The following TBC1D9 variants were observed in gnomAD, a reference collection of about 807,000 sequenced individuals.
TBC1D9 encodes TBC1 domain family member 9.
TBC1D9 carries 63 observed loss-of-function variants against 132.0 expected under a neutral mutation model. The observed-to-expected ratio is 0.48, with a 90% CI of 0.39 to 0.59. TBC1D9 has a LOEUF of 0.59. Among genes scored for constraint, TBC1D9 ranks in the 20% least tolerant of loss-of-function variants. TBC1D9 has a pLI of 0.00. For missense variants in TBC1D9, 1,261 were observed against 1,592.7 expected (o/e 0.79, Z 3.54); for synonymous variants, 610 against 609.9 (o/e 1.00, Z 0.00).
At position 140,627,441 on chromosome 4, in the gene TBC1D9, C is replaced by A; in HGVS notation, c.2899G>T (p.Val967Phe). The A allele has an allele frequency of 6.3e-7, 1 of 1,590,832 alleles. No individual in the cohort carries two copies. Among genetic ancestry groups the A allele is most frequent in the South Asian group, 1.1e-5 (1 of 89,140 alleles). ...ATCTTTGGTGAGAAAAGTCACTTAC[C>A]ATGTGTACATTCTGGGGTAATATCT... ...FEDITPECTH[V>F]VGLDSRSKQG... is the part of the protein sequence containing the mutation. The change falls in exon 18 of 21, where the codon GTT (valine) becomes TTT (phenylalanine). Residue 967 changes from valine (V) to phenylalanine (F), a missense_variant and splice_region_variant. Physicochemically the swap from Val to Phe is conservative, Grantham distance 50 (BLOSUM62 -1). Transcript: ENST00000442267.
Position 140,640,816 on chromosome 4 carries a change from A to G in TBC1D9, c.2338-1388T>C, listed in dbSNP as rs1736975780. Among the ~76,000 whole-genome samples the G allele has an allele frequency of 1.3e-5, 2 of 150,672 alleles. 1 individual carries two copies. Among genetic ancestry groups the G allele is most frequent in the South Asian group, 4.2e-4 (2 of 4,814 alleles). On this transcript the variant is annotated intron_variant, in intron 13 of 20. Transcript: ENST00000442267. Reference sequence around the variant, plus strand: ...CAACCGTTCTGAAAATCTGTCTGGCAGTATCTACTGACTGAACATTCTCAT... The same window carrying G: ...CAACCGTTCTGAAAATCTGTCTGGCGGTATCTACTGACTGAACATTCTCAT...
intron 2 of TBC1D9, among the ~76,000 whole-genome samples, chr4:140,699,682 A>G (rs1280759623): frequency 1.3e-5 from 2 of 152,236 alleles, no homozygotes; most frequent in African/African-American, 2.4e-5. Flanking sequence ...CTAACGGGAT[A>G]TGACCGACTA....
At chr4:140,734,519 C>T (rs911527109) in intron 1 of TBC1D9, among the ~76,000 whole-genome samples, 3 of 152,122 alleles carry the variant, frequency 2.0e-5, no homozygotes, top group African/African-American at 7.2e-5. Flanking sequence ...AGGCCAGGTG[C>T]GGTGGCTCAC....
chr4:140,718,119 G>A (rs1279494715), intron 1 of TBC1D9, among the ~76,000 whole-genome samples: 3 of 151,736 alleles, frequency 2.0e-5, no homozygotes, highest in Non-Finnish European at 4.4e-5. Flanking sequence ...TGAGTAATTA[G>A]TATATACTAA....
At chr4:140,640,447 T>TGGGGGGGGGGG (rs55770281) in intron 13 of TBC1D9, among the ~76,000 whole-genome samples, 3 of 108,002 alleles carry the variant, frequency 2.8e-5, no homozygotes, top group Non-Finnish European at 3.9e-5. Flanking sequence ...GGTGGTGGGG[T>TGGGGGGGGGGG]GGGGGGGGGA....
rs559541025 is a variant in TBC1D9, at chr4:140,696,634, C to T, written c.241+4870G>A. On this transcript the variant is annotated intron_variant, in intron 2 of 20. Transcript: ENST00000442267. ...AGTCCTCCTGCCTGATTTCATGTGG[C>T]TCAAGTCTAAGGCAAATCATACAGC... is the stretch of plus-strand genomic sequence containing the variant. Among the ~76,000 whole-genome samples the T allele has an allele frequency of 7.9e-5, 12 of 152,178 alleles. No homozygotes were observed. In the South Asian group the frequency reaches 2.5e-3, roughly 32 times the overall value.
At chr4:140,638,174 C>T (rs1736909990) in intron 15 of TBC1D9, among the ~76,000 whole-genome samples, 1 of 152,132 alleles carries the variant, frequency 6.6e-6, no homozygotes, top group Non-Finnish European at 1.5e-5. Flanking sequence ...CTTTGCAATT[C>T]TCAAAACAGC....
intron 16 of TBC1D9, among the ~76,000 whole-genome samples, chr4:140,631,457 A>G (rs1230634111): frequency 6.6e-6 from 1 of 152,094 alleles, no homozygotes; most frequent in African/African-American, 2.4e-5. Flanking sequence ...TCCTGACCCC[A>G]TGATCTGCCT....
intron 20 of TBC1D9, among the ~76,000 whole-genome samples, chr4:140,623,147 C>T (rs1217125973): frequency 6.6e-6 from 1 of 152,126 alleles, no homozygotes; most frequent in Non-Finnish European, 1.5e-5. Flanking sequence ...TGCAGTGGTG[C>T]AATCACGGTT....
chr4:140,744,948 T>G (rs1269242873), intron 1 of TBC1D9, among the ~76,000 whole-genome samples: 1 of 151,750 alleles, frequency 6.6e-6, no homozygotes, highest in Non-Finnish European at 1.5e-5. Context: ...CAGTCACTCC[T>G]TTCTATTCAC....
At chr4:140,641,096 AAAAAAAAAC>A (rs754566413) in intron 13 of TBC1D9, among the ~76,000 whole-genome samples, 8,409 of 132,798 alleles carry the variant, frequency 0.063, 295 homozygotes, top group South Asian at 0.092. Flanking sequence ...TAAGCAAAAA[AAAAAAAAAC>A]AAAAAAAAAC....
At chr4:140,648,385 G>GTT (rs1243797618) in intron 13 of TBC1D9, among the ~76,000 whole-genome samples, 2,802 of 121,806 alleles carry the variant, frequency 0.023, 135 homozygotes, top group African/African-American at 0.079. Context: ...TTTTGTTGTT[G>GTT]TTTTTTTTTT....
In TBC1D9 at chr4:140,679,773, G is replaced by A; in HGVS notation, c.431C>T (p.Ala144Val). 1 of 1,613,688 alleles carries A rather than the reference G, an allele frequency of 6.2e-7. No individual in the cohort carries two copies. The highest frequency in any genetic ancestry group is 8.5e-7 in the Non-Finnish European group (1 of 1,179,786). ...EDDDTEKFKE[A>V]IVKFHRLFGM... Reference sequence around the variant, plus strand: ...AAACAGCCTATGAAATTTCACAATGGCTTCTTTAAACTTCTCCGTGTCATC... The same window carrying A: ...AAACAGCCTATGAAATTTCACAATGACTTCTTTAAACTTCTCCGTGTCATC... The change falls in exon 4 of 21, where the codon GCC becomes GTC. Residue 144 changes from alanine (A) to valine (V), a missense_variant. By Grantham distance (64) the Ala-to-Val change is moderately conservative. Around this residue, in one of 3 missense-constraint regions of TBC1D9, gnomAD observed 550 missense variants for 699.0 expected, o/e 0.79. Transcript: ENST00000442267.
intron 15 of TBC1D9, among the ~76,000 whole-genome samples, chr4:140,636,695 A>G (rs1736887227): frequency 1.3e-5 from 2 of 152,140 alleles, no homozygotes; most frequent in Non-Finnish European, 2.9e-5. Flanking sequence ...CTGTCTCTAG[A>G]AATTGGCTTT....
rs1381875718 is a variant in TBC1D9 at position 140,669,665 on chromosome 4, C to T, written c.1406G>A (p.Arg469Gln). ...CGGGTTGAACTCCTCGGGAGACCGC[C>T]GCCGATACATGGTCATCAGGGTCTG... ...ATQTLMTMYR[R>Q]RSPEEFNPKL... Residue 469 changes from arginine (R) to glutamine (Q), a missense_variant, in exon 8 of 21, where the codon CGG becomes CAG. Physicochemically the swap from Arg to Gln is conservative, Grantham distance 43 (BLOSUM62 1). Around this residue, in one of 3 missense-constraint regions of TBC1D9, gnomAD observed 550 missense variants for 699.0 expected, o/e 0.79. Transcript: ENST00000442267. The T allele has an allele frequency of 4.3e-6, 7 of 1,612,834 alleles. No individual in the cohort carries two copies. The highest frequency in any genetic ancestry group is 2.7e-5 in the African/African-American group (2 of 74,898).
chr4:140,684,263 A>G (rs911933194), intron 3 of TBC1D9, among the ~76,000 whole-genome samples: 4 of 151,982 alleles, frequency 2.6e-5, no homozygotes, highest in African/African-American at 9.7e-5. Flanking sequence ...AAAGTTAAGA[A>G]AAGGGAGGTC....
chr4:140,708,320 C>T (rs910928661), intron 1 of TBC1D9, among the ~76,000 whole-genome samples: 3 of 152,186 alleles, frequency 2.0e-5, no homozygotes, highest in Non-Finnish European at 4.4e-5. Flanking sequence ...GCAAACCAAA[C>T]TCATATCTGA....
rs145333383 is a variant in TBC1D9, at chr4:140,727,130, T to C, written c.131-25516A>G. Among the ~76,000 whole-genome samples the C allele has an allele frequency of 6.7e-3, 1,015 of 152,282 alleles. 5 individuals carry two copies. The highest frequency in any genetic ancestry group is 0.023 in the African/African-American group (949 of 41,544). ...TAAAAATTATAGAGAGAACTTAGAC[T>C]CTGAGAGGTATACAGATCCCCAGCA... On this transcript the variant is annotated intron_variant, in intron 1 of 20. Coordinates refer to ENST00000442267, the MANE Select transcript of TBC1D9 (RefSeq NM_015130.3).
intron 1 of TBC1D9, among the ~76,000 whole-genome samples, chr4:140,723,516 T>C (rs1738454230): frequency 6.6e-6 from 1 of 152,094 alleles, no homozygotes; most frequent in African/African-American, 2.4e-5. Context: ...GTATTTTTAG[T>C]AGAGACAGGG....
Sources: allele counts gnomAD v4.1 joint callset (sites outside exome capture counted in the v4.1 genomes callset), GRCh38; gene constraint gnomAD v4.1.1; regional missense constraint gnomAD v4.1.1; transcripts MANE v1.5; gene names NCBI Gene and HGNC (gene_info 2026-07-23, HGNC 2026-07-21).